The following MEF2C variants were observed in gnomAD, a reference collection of about 807,000 sequenced individuals.
The protein encoded by MEF2C is myocyte-specific enhancer factor 2C.
Under a neutral mutation model 50.5 loss-of-function variants are expected in MEF2C, and 6 were observed. The ratio of observed to expected loss-of-function variants is 0.12; its 90% CI spans 0.07 to 0.23. MEF2C has a LOEUF of 0.23. Ranked by LOEUF, MEF2C falls within the 10% of genes least tolerant of loss-of-function variation. MEF2C has a pLI of 1.00. For synonymous variants in MEF2C, 183 were observed against 228.0 expected (o/e 0.80, Z 1.78); for missense variants, 276 against 605.0 (o/e 0.46, Z 5.70).
chr5:88,867,614 T>G (rs1827828841), intron 1 of MEF2C, among the ~76,000 whole-genome samples: 1 of 152,214 alleles, frequency 6.6e-6, no homozygotes, highest in Non-Finnish European at 1.5e-5. Flanking sequence ...TTATAATTAG[T>G]AATTCTTTCA....
At chr5:88,795,870 C>T (rs1009738543) in intron 3 of MEF2C, among the ~76,000 whole-genome samples, 8 of 151,956 alleles carry the variant, frequency 5.3e-5, no homozygotes, top group African/African-American at 1.2e-4. Flanking sequence ...ATTTTATCGA[C>T]GCCCTTTTCT....
intron 1 of MEF2C, among the ~76,000 whole-genome samples, chr5:88,896,243 C>G (rs1194560179): frequency 6.6e-6 from 1 of 152,206 alleles, no homozygotes; most frequent in South Asian, 2.1e-4. Flanking sequence ...CCCCTGGTCT[C>G]TTTTTCTATT....
At chr5:88,738,904 T>C (rs1765247666) in intron 6 of MEF2C, 3 of 985,268 alleles carry the variant, frequency 3.0e-6, no homozygotes, top group Non-Finnish European at 3.6e-6. Context: ...AAGTAGGAAA[T>C]ACTGAGTTTA....
At chr5:88,734,358 AG>A (rs1762963304) in intron 6 of MEF2C, 5 of 985,218 alleles carry the variant, frequency 5.1e-6, no homozygotes, top group African/African-American at 1.7e-5. Flanking sequence ...GGGAGAAAAA[AG>A]TCTGTTAAGC....
chr5:88,804,796 T>C lies in MEF2C; in HGVS notation c.60A>G (p.Thr20=). 2.5e-6 allele frequency: 4 copies of C among 1,613,176 alleles called. No individual in the cohort carries two copies. Among genetic ancestry groups the C allele is most frequent in the Non-Finnish European group, 3.4e-6 (4 of 1,179,190 alleles). ...RIMDERNRQV[T]FTKRKFGLMK... is the part of the protein sequence containing the mutation. ...TCAACCCAAATTTCCTCTTTGTAAA[T>C]GTCACCTAGAAAAAAGAAAGCAGCC... Residue 20 remains threonine, a synonymous_variant, in exon 3 of 11, where the codon ACA becomes ACG. Transcript: ENST00000504921.
intron 7 of MEF2C, among the ~76,000 whole-genome samples, chr5:88,730,926 TA>T (rs1761206673): frequency 6.6e-6 from 1 of 152,210 alleles, no homozygotes; most frequent in African/African-American, 2.4e-5. Context: ...TTCTTGCTCT[TA>T]AGCAAAGCTA....
intron 6 of MEF2C, chr5:88,737,974 G>T (rs1409584089): frequency 1.0e-6 from 1 of 985,266 alleles, no homozygotes; most frequent in South Asian, 4.7e-5. Flanking sequence ...AAGGGGGTTG[G>T]ACTGCTGTTA....
At chr5:88,808,508 T>A (rs920973428) in intron 2 of MEF2C, among the ~76,000 whole-genome samples, 4 of 152,200 alleles carry the variant, frequency 2.6e-5, no homozygotes, top group Non-Finnish European at 5.9e-5. Flanking sequence ...TGCTGGATAA[T>A]GAATACTTAT....
At chr5:88,859,071 T>A (rs1213823180) in intron 1 of MEF2C, among the ~76,000 whole-genome samples, 1 of 152,240 alleles carries the variant, frequency 6.6e-6, no homozygotes, top group Admixed American at 6.5e-5. Context: ...ACTTGAACTA[T>A]ATAATTGTTA....
chr5:88,876,004 T>C (rs1830938402), intron 1 of MEF2C, among the ~76,000 whole-genome samples: 1 of 151,794 alleles, frequency 6.6e-6, no homozygotes, highest in African/African-American at 2.4e-5. Flanking sequence ...TTTTCTTTCT[T>C]TATCCTGAGT....
chr5:88,892,089 C>T (rs1259522133), intron 1 of MEF2C: 1 of 151,810 alleles, frequency 6.6e-6, no homozygotes, highest in African/African-American at 2.4e-5. Flanking sequence ...TCTTAATTTA[C>T]CATTTGCGTG....
At chr5:88,817,363 G>A (rs1805955513) in intron 2 of MEF2C, among the ~76,000 whole-genome samples, 1 of 151,900 alleles carries the variant, frequency 6.6e-6, no homozygotes, top group East Asian at 1.9e-4. Context: ...ACCAGATTTA[G>A]TTTGAAAACA....
intron 6 of MEF2C, chr5:88,735,627 C>T (rs1763755907): frequency 1.0e-5 from 10 of 983,016 alleles, no homozygotes; most frequent in Non-Finnish European, 1.2e-5. Context: ...GAATCTACCT[C>T]TTCTGGTTAC....
intron 4 of MEF2C, among the ~76,000 whole-genome samples, chr5:88,760,536 C>T (rs998355611): frequency 6.6e-6 from 1 of 152,142 alleles, no homozygotes; most frequent in African/African-American, 2.4e-5. Context: ...ATTCAGAAAT[C>T]AGCTTTTATT....
chr5:88,857,016 A>G (rs986508825), intron 1 of MEF2C, among the ~76,000 whole-genome samples: 3 of 152,224 alleles, frequency 2.0e-5, no homozygotes, highest in African/African-American at 7.2e-5. Flanking sequence ...GAAAAGCCAC[A>G]GACACTCAAT....
intron 3 of MEF2C, among the ~76,000 whole-genome samples, chr5:88,798,103 G>A (rs1403719605): frequency 6.6e-6 from 1 of 152,058 alleles, no homozygotes; most frequent in Non-Finnish European, 1.5e-5. Context: ...CAACCTTGGT[G>A]AATCTGATTG....
intron 6 of MEF2C, chr5:88,742,335 G>T: frequency 1.0e-6 from 1 of 984,878 alleles, no homozygotes; most frequent in Non-Finnish European, 1.2e-6. Flanking sequence ...AGAAAAGACT[G>T]CTTTGAGAAA....
At chr5:88,751,558 A>T in intron 5 of MEF2C, 2 of 982,134 alleles carry the variant, frequency 2.0e-6, no homozygotes, top group African/African-American at 3.5e-5. Flanking sequence ...GAGCAGAAGT[A>T]AAAGTGTGGA....
At chr5:88,835,469 T>C (rs1814704469) in intron 1 of MEF2C, among the ~76,000 whole-genome samples, 1 of 152,154 alleles carries the variant, frequency 6.6e-6, no homozygotes, top group Non-Finnish European at 1.5e-5. Context: ...CAACTTGGAA[T>C]GAATAGACAA....
Sources: gnomAD v4.1 joint callset for allele counts (sites outside exome capture counted in the v4.1 genomes callset) on GRCh38, gnomAD v4.1.1 for gene constraint, MANE v1.5 for transcripts, NCBI Gene and HGNC (gene_info 2026-07-23, HGNC 2026-07-21) for gene names.